Variants in NRF1 observed in about 807,000 individuals in gnomAD.
The protein encoded by NRF1 is alpha palindromic-binding protein.
Under a neutral mutation model 58.5 loss-of-function variants are expected in NRF1, and 5 were observed. The ratio of observed to expected loss-of-function variants is 0.09; its 90% CI spans 0.04 to 0.18. The LOEUF (loss-of-function observed/expected upper bound fraction) is 0.18, where lower values mean the gene tolerates loss of function less well. Ranked by LOEUF, NRF1 falls within the 10% of genes least tolerant of loss-of-function variation. The pLI is 1.00. For synonymous variants in NRF1, 224 were observed against 246.7 expected, an observed-to-expected ratio of 0.91 and a Z score of 0.86; for missense variants, 288 against 657.7, an observed-to-expected ratio of 0.44 and a Z score of 6.15.
intron 1 of NRF1, among the ~76,000 whole-genome samples, chr7:129,631,506 G>A (rs1332844046): frequency 1.3e-5 from 2 of 152,058 alleles, no homozygotes; most frequent in Non-Finnish European, 2.9e-5. Context: ...AGCTCAATCA[G>A]TTCTCCCACC....
intron 4 of NRF1, among the ~76,000 whole-genome samples, chr7:129,686,814 G>A (rs922274724): frequency 1.3e-5 from 2 of 152,216 alleles, no homozygotes; most frequent in African/African-American, 4.8e-5. Context: ...TGACAAAGGC[G>A]TAAGCTATGG....
intron 4 of NRF1, among the ~76,000 whole-genome samples, chr7:129,681,849 G>T (rs534930155): frequency 6.6e-6 from 1 of 151,860 alleles, no homozygotes; most frequent in South Asian, 2.1e-4. Flanking sequence ...CACTTGGAAG[G>T]CTGAGGTGGG....
intron 5 of NRF1, among the ~76,000 whole-genome samples, chr7:129,697,670 C>T (rs1033578544): frequency 3.3e-5 from 5 of 152,060 alleles, no homozygotes; most frequent in African/African-American, 2.4e-5. Context: ...TTGTATAAAA[C>T]TGTATTGTGT....
chr7:129,650,937 CT>C (rs900835754), intron 1 of NRF1, among the ~76,000 whole-genome samples: 3 of 152,070 alleles, frequency 2.0e-5, no homozygotes, highest in African/African-American at 7.2e-5. Flanking sequence ...ACTAAATTGA[CT>C]TGGGAGAGTG....
chr7:129,744,559 C>A (rs191742057), intron 10 of NRF1, among the ~76,000 whole-genome samples: 56 of 152,152 alleles, frequency 3.7e-4, no homozygotes, highest in Non-Finnish European at 6.8e-4. Flanking sequence ...AGTTGGGATT[C>A]TTTTATAAAG....
chr7:129,702,014 A>G (rs1345513796), intron 5 of NRF1, among the ~76,000 whole-genome samples: 1 of 152,230 alleles, frequency 6.6e-6, no homozygotes, highest in Non-Finnish European at 1.5e-5. Context: ...TAATCACATA[A>G]AACTGCCTTT....
At chr7:129,750,036 G>T (rs1804076157) in intron 10 of NRF1, among the ~76,000 whole-genome samples, 1 of 152,050 alleles carries the variant, frequency 6.6e-6, no homozygotes, top group Admixed American at 6.5e-5. Context: ...CTTCTCTAGG[G>T]TCTCAGCAGA....
At chr7:129,747,296 C>T (rs1199771140) in intron 10 of NRF1, among the ~76,000 whole-genome samples, 1 of 152,196 alleles carries the variant, frequency 6.6e-6, no homozygotes, top group Non-Finnish European at 1.5e-5. Context: ...CTGACCATCA[C>T]TGTGTTTCAG....
intron 5 of NRF1, among the ~76,000 whole-genome samples, chr7:129,697,629 C>CAT: frequency 6.6e-6 from 1 of 152,184 alleles, no homozygotes; most frequent in East Asian, 1.9e-4. Flanking sequence ...GGGCTGCATT[C>CAT]ATATTGCCAG....
intron 4 of NRF1, among the ~76,000 whole-genome samples, chr7:129,682,767 G>T (rs1460802940): frequency 1.3e-5 from 2 of 151,630 alleles, no homozygotes; most frequent in East Asian, 3.9e-4. Flanking sequence ...ATTCCACTGT[G>T]CTCCAGCCTG....
chr7:129,650,288 C>T (rs1238359040), intron 1 of NRF1, among the ~76,000 whole-genome samples: 1 of 151,540 alleles, frequency 6.6e-6, no homozygotes, highest in Non-Finnish European at 1.5e-5. Context: ...TATGTATTGC[C>T]GGCGCTTTCG....
chr7:129,725,590 G>A (rs1180227518), intron 9 of NRF1, among the ~76,000 whole-genome samples: 1 of 152,298 alleles, frequency 6.6e-6, no homozygotes, highest in East Asian at 1.9e-4. Flanking sequence ...GCCTCCCAAA[G>A]AGCTAGGATT....
At chr7:129,690,318 G>T (rs55996206) in intron 4 of NRF1, 88 bp from the exon 5 acceptor site, 17,255 of 1,423,796 alleles carry the variant, frequency 0.012, 142 homozygotes, top group Non-Finnish European at 0.014. Context: ...GCTCAGGAAG[G>T]CCAGCCCCAC....
chr7:129,700,928 AAAAG>A (rs1457875062), intron 5 of NRF1, among the ~76,000 whole-genome samples: 3 of 152,200 alleles, frequency 2.0e-5, no homozygotes, highest in Non-Finnish European at 1.5e-5. Flanking sequence ...AAAAGAAAGG[AAAAG>A]AAAGAGAGAA....
chr7:129,672,887 A>G (rs2151083985), intron 3 of NRF1, among the ~76,000 whole-genome samples: 1 of 152,348 alleles, frequency 6.6e-6, no homozygotes, highest in South Asian at 2.1e-4. Context: ...TTATAAGCAT[A>G]TAGGTAGTAT....
intron 10 of NRF1, 122 bp from the exon 11 acceptor site, chr7:129,754,896 A>T: frequency 1.1e-6 from 1 of 892,544 alleles, no homozygotes; most frequent in Non-Finnish European, 1.6e-6. Flanking sequence ...GGCCATGGGT[A>T]TGTGATCACC....
chr7:129,691,367 T>TA (rs1463660586), intron 5 of NRF1, among the ~76,000 whole-genome samples: 2 of 123,674 alleles, frequency 1.6e-5, no homozygotes, highest in Non-Finnish European at 3.3e-5. Flanking sequence ...TATTATTATT[T>TA]TTTTTTTTTT....
At chr7:129,701,591 C>CA (rs59228978) in intron 5 of NRF1, among the ~76,000 whole-genome samples, 2,031 of 92,946 alleles carry the variant, frequency 0.022, 19 homozygotes, top group African/African-American at 0.035. Context: ...GAGGCTGTCT[C>CA]AAAAAAAAAA....
chr7:129,674,317 A>G (rs1381551440), intron 3 of NRF1, among the ~76,000 whole-genome samples: 1 of 152,210 alleles, frequency 6.6e-6, no homozygotes, highest in Non-Finnish European at 1.5e-5. Context: ...TATCACAATA[A>G]GTCACAGAAA....
Sources: allele counts gnomAD v4.1 joint callset (sites outside exome capture counted in the v4.1 genomes callset), GRCh38; gene constraint gnomAD v4.1.1; transcripts MANE v1.5; gene names NCBI Gene and HGNC (gene_info 2026-07-23, HGNC 2026-07-21).